MARCHF8: variants seen among roughly 807,000 people sequenced by gnomAD.
MARCHF8 encodes the protein E3 ubiquitin-protein ligase MARCHF8.
MARCHF8 carries 40 observed loss-of-function variants against 51.6 expected under a neutral mutation model. The ratio of observed to expected loss-of-function variants is 0.77; its 90% CI spans 0.60 to 1.01. The LOEUF (loss-of-function observed/expected upper bound fraction) is 1.01. Ranked by LOEUF, MARCHF8 falls within the 50% of genes least tolerant of loss-of-function variation. MARCHF8 has a pLI of 0.00. For synonymous variants in MARCHF8, 263 were observed against 280.3 expected, an observed-to-expected ratio of 0.94 and a Z score of 0.62; for missense variants, 685 against 708.6, an observed-to-expected ratio of 0.97 and a Z score of 0.38.
chr10:45,507,746 A>G (rs2043413452), intron 2 of MARCHF8, among the ~76,000 whole-genome samples: 2 of 152,048 alleles, frequency 1.3e-5, no homozygotes, highest in Non-Finnish European at 2.9e-5. Flanking sequence ...AAATTGATAT[A>G]GAAAGTTGTA....
chr10:45,495,313 CA>C (rs578036170), intron 2 of MARCHF8, among the ~76,000 whole-genome samples: 314 of 141,858 alleles, frequency 2.2e-3, no homozygotes, highest in African/African-American at 4.0e-3. Flanking sequence ...ACTATTTTCT[CA>C]AAAAAAAAAA....
chr10:45,579,079 C>G (rs2044522031), intron 1 of MARCHF8, among the ~76,000 whole-genome samples: 1 of 152,202 alleles, frequency 6.6e-6, no homozygotes, highest in African/African-American at 2.4e-5. Context: ...TGTTAAATTT[C>G]TTGACTGCTA....
intron 2 of MARCHF8, among the ~76,000 whole-genome samples, chr10:45,525,617 G>A (rs1383502267): frequency 1.3e-5 from 2 of 152,140 alleles, no homozygotes; most frequent in African/African-American, 2.4e-5. Flanking sequence ...AAGTACAAAA[G>A]GGGAGAAAAA....
Position 45,457,982 on chromosome 10 carries a change from T to C in MARCHF8, c.*257A>G, listed in dbSNP as rs560082540. ...AGCTCAAGACCATGGGCAGGAACTC[T>C]GCTGGCTCCCCATGATGTCATCATG... is the stretch of plus-strand genomic sequence containing the variant. On this transcript the variant is annotated 3_prime_UTR_variant, in exon 8 of 8. Transcript: ENST00000453424. 2.1e-6 allele frequency: 1 copy of C among 469,416 alleles called. No individual in the cohort carries two copies. The highest frequency in any genetic ancestry group is 4.0e-5 in the Admixed American group (1 of 25,132). The allele number at this position is 469,416 out of a possible 1,614,324, so 29.1% of individuals were successfully genotyped here.
chr10:45,549,620 C>A (rs1217069835), intron 1 of MARCHF8, among the ~76,000 whole-genome samples: 1 of 152,176 alleles, frequency 6.6e-6, no homozygotes, highest in Non-Finnish European at 1.5e-5. Flanking sequence ...CCCCCAAGTT[C>A]ATGTATTGGA....
At chr10:45,573,699 C>G (rs1047948462) in intron 1 of MARCHF8, among the ~76,000 whole-genome samples, 1 of 152,218 alleles carries the variant, frequency 6.6e-6, no homozygotes, top group African/African-American at 2.4e-5. Context: ...CCGATCACCA[C>G]AGAAGCCTCC....
intron 3 of MARCHF8, among the ~76,000 whole-genome samples, chr10:45,482,939 C>T (rs11239535): frequency 0.32 from 49,009 of 151,982 alleles, 8,066 homozygotes; most frequent in Admixed American, 0.37. Context: ...GAGATCCATA[C>T]GCAGATGAAT....
chr10:45,520,396 C>T (rs1413325880), intron 2 of MARCHF8, among the ~76,000 whole-genome samples: 1 of 152,174 alleles, frequency 6.6e-6, no homozygotes, highest in Non-Finnish European at 1.5e-5. Context: ...GAATACTTGA[C>T]ATAGTATACA....
At chr10:45,561,593 C>T (rs950950578) in intron 1 of MARCHF8, among the ~76,000 whole-genome samples, 17 of 150,596 alleles carry the variant, frequency 1.1e-4, no homozygotes, top group African/African-American at 3.4e-4. Flanking sequence ...TATTAAATAG[C>T]GAATTATGTA....
rs576298691 is a variant in MARCHF8, at chr10:45,456,369, C to T, written c.*1870G>A. 2.0e-5 allele frequency: 3 copies of T among 152,298 alleles called. No homozygotes were observed. The highest frequency in any genetic ancestry group is 1.9e-4 in the East Asian group (1 of 5,190). The allele number at this position is 152,298 out of a possible 1,614,324, so 9.4% of individuals were successfully genotyped here. ...TGGCTATGGCTGGACAGTGCCTGCC[C>T]GGCCAGAGGAAGGCCACAGCAGAGC... On this transcript the variant is annotated 3_prime_UTR_variant, in exon 8 of 8. Transcript: ENST00000453424.
At chr10:45,552,201 A>C (rs1467768132) in intron 1 of MARCHF8, among the ~76,000 whole-genome samples, 1 of 152,304 alleles carries the variant, frequency 6.6e-6, no homozygotes, top group Non-Finnish European at 1.5e-5. Context: ...AGGTGAAAGA[A>C]AGAAAAGGAA....
At chr10:45,489,270 G>A (rs572407919) in intron 3 of MARCHF8, 97 bp downstream of exon 3, 49 of 913,662 alleles carry the variant, frequency 5.4e-5, no homozygotes, top group Middle Eastern at 4.9e-4. Context: ...GAACTCTAAC[G>A]TCTTTTCAAA....
chr10:45,579,387 A>C (rs1185914285), intron 1 of MARCHF8, among the ~76,000 whole-genome samples: 3 of 146,556 alleles, frequency 2.0e-5, no homozygotes, highest in East Asian at 2.0e-4. Flanking sequence ...TACAAAAATG[A>C]CAGACAAAAA....
intron 6 of MARCHF8, chr10:45,459,699 G>A: frequency 1.0e-6 from 1 of 984,642 alleles, no homozygotes; most frequent in Non-Finnish European, 1.2e-6. Context: ...TAGCAGATGG[G>A]TCACACTACA....
intron 2 of MARCHF8, among the ~76,000 whole-genome samples, chr10:45,492,447 A>C (rs2043100170): frequency 6.6e-6 from 1 of 151,868 alleles, no homozygotes; most frequent in Admixed American, 6.6e-5. Flanking sequence ...ACAGGCGCCC[A>C]CCACCATGTC....
At chr10:45,577,166 A>T (rs2044499614) in intron 1 of MARCHF8, among the ~76,000 whole-genome samples, 3 of 152,166 alleles carry the variant, frequency 2.0e-5, no homozygotes, top group South Asian at 2.1e-4. Flanking sequence ...GGATCTAAAA[A>T]TCAAAACAAT....
At chr10:45,559,621 T>C (rs1369379105) in intron 1 of MARCHF8, among the ~76,000 whole-genome samples, 1 of 152,260 alleles carries the variant, frequency 6.6e-6, no homozygotes, top group Non-Finnish European at 1.5e-5. Context: ...GAAGATGCTC[T>C]TATGTATACT....
At chr10:45,531,155 T>G (rs2043877360) in intron 2 of MARCHF8, among the ~76,000 whole-genome samples, 1 of 152,308 alleles carries the variant, frequency 6.6e-6, no homozygotes, top group South Asian at 2.1e-4. Context: ...CCAGTCAATG[T>G]GTATACTGGA....
intron 2 of MARCHF8, among the ~76,000 whole-genome samples, chr10:45,528,029 G>A (rs778658402): frequency 6.6e-6 from 1 of 152,084 alleles, no homozygotes; most frequent in African/African-American, 2.4e-5. Flanking sequence ...TACAGAAAAA[G>A]CATTTGATAA....
Sources: gnomAD v4.1 joint callset for allele counts (sites outside exome capture counted in the v4.1 genomes callset) on GRCh38, gnomAD v4.1.1 for gene constraint, MANE v1.5 for transcripts, NCBI Gene and HGNC (gene_info 2026-07-23, HGNC 2026-07-21) for gene names.